Variants in MCC observed in about 807,000 individuals in gnomAD.
MCC encodes the protein colorectal mutant cancer protein.
A neutral mutation model predicts 116.2 loss-of-function variants in MCC; 90 were observed. That is an observed-to-expected ratio of 0.77 (90% CI 0.65 to 0.92). The LOEUF (loss-of-function observed/expected upper bound fraction) is 0.92. Ranked by LOEUF, MCC falls within the 40% of genes least tolerant of loss-of-function variation. The pLI is 0.00. For synonymous variants in MCC, 578 were observed against 510.5 expected, an observed-to-expected ratio of 1.13 and a Z score of -1.78; for missense variants, 1,516 against 1,312.2, an observed-to-expected ratio of 1.16 and a Z score of -2.40.
intron 1 of MCC, among the ~76,000 whole-genome samples, chr5:113,461,856 G>T (rs972290219): frequency 2.0e-5 from 3 of 151,838 alleles, no homozygotes; most frequent in African/African-American, 7.3e-5. Context: ...ACTGAGGGAG[G>T]CATGTAAGAA....
intron 5 of MCC, among the ~76,000 whole-genome samples, chr5:113,133,774 T>G (rs929096144): frequency 5.3e-5 from 8 of 152,334 alleles, no homozygotes; most frequent in African/African-American, 1.7e-4. Flanking sequence ...TTCTTACATA[T>G]CCTTGCCAGC....
chr5:113,251,046 A>G (rs989713309), intron 3 of MCC, among the ~76,000 whole-genome samples: 3 of 152,234 alleles, frequency 2.0e-5, no homozygotes, highest in African/African-American at 7.2e-5. Flanking sequence ...TTAAGGTCCT[A>G]TTTTAACAAT....
chr5:113,149,748 C>G (rs892529745), intron 4 of MCC, among the ~76,000 whole-genome samples: 1 of 152,024 alleles, frequency 6.6e-6, no homozygotes, highest in Non-Finnish European at 1.5e-5. Flanking sequence ...AGCACTTACA[C>G]AGTAAAGCCC....
intron 8 of MCC, among the ~76,000 whole-genome samples, chr5:113,096,399 C>T (rs1419999485): frequency 6.6e-6 from 1 of 152,202 alleles, no homozygotes; most frequent in African/African-American, 2.4e-5. Flanking sequence ...GGCACACATC[C>T]TCTCAAAGAG....
chr5:113,044,272 C>T (rs1053309607), intron 16 of MCC, among the ~76,000 whole-genome samples: 11 of 152,184 alleles, frequency 7.2e-5, no homozygotes, highest in Non-Finnish European at 1.2e-4. Context: ...GTGCAGCCCA[C>T]CCCATGGCTT....
At chr5:113,171,069 A>G (rs567036231) in intron 3 of MCC, among the ~76,000 whole-genome samples, 3 of 152,054 alleles carry the variant, frequency 2.0e-5, no homozygotes, top group Non-Finnish European at 2.9e-5. Context: ...TCACTCAGAT[A>G]TCTGCCCTCC....
chr5:113,035,261 C>G (rs1453266537), intron 17 of MCC, among the ~76,000 whole-genome samples: 1 of 152,164 alleles, frequency 6.6e-6, no homozygotes, highest in Admixed American at 6.6e-5. Context: ...CTCCTCCTCC[C>G]CTCATCCTTG....
chr5:113,450,642 C>T (rs1021260008), intron 1 of MCC, among the ~76,000 whole-genome samples: 4 of 152,184 alleles, frequency 2.6e-5, no homozygotes, highest in Non-Finnish European at 4.4e-5. Context: ...TCAGAATTTC[C>T]ACTTCCCTCT....
At chr5:113,322,475 A>C (rs1206725569) in intron 3 of MCC, among the ~76,000 whole-genome samples, 1 of 152,240 alleles carries the variant, frequency 6.6e-6, no homozygotes, top group African/African-American at 2.4e-5. Flanking sequence ...ATTATGAGAA[A>C]ACAAAAATTA....
intron 1 of MCC, among the ~76,000 whole-genome samples, chr5:113,457,001 G>T (rs1771571267): frequency 6.6e-6 from 1 of 152,212 alleles, no homozygotes; most frequent in South Asian, 2.1e-4. Flanking sequence ...CACAGCCCTG[G>T]CTCGCTCTCA....
At chr5:113,135,729 A>G (rs1758779333) in intron 5 of MCC, among the ~76,000 whole-genome samples, 1 of 151,906 alleles carries the variant, frequency 6.6e-6, no homozygotes, top group African/African-American at 2.4e-5. Flanking sequence ...AGTTTCACCA[A>G]TACCAACTCA....
intron 3 of MCC, among the ~76,000 whole-genome samples, chr5:113,221,421 C>T (rs767714429): frequency 9.9e-5 from 15 of 152,176 alleles, no homozygotes; most frequent in Admixed American, 7.9e-4. Flanking sequence ...AGCTTTGAAA[C>T]GAAGATGATA....
At chr5:113,196,709 C>T (rs557423299) in intron 3 of MCC, among the ~76,000 whole-genome samples, 3 of 152,182 alleles carry the variant, frequency 2.0e-5, no homozygotes, top group African/African-American at 2.4e-5. Flanking sequence ...ATTAGCCGAG[C>T]GTGGTGGCAC....
At chr5:113,099,648 C>T (rs2150253428) in intron 8 of MCC, among the ~76,000 whole-genome samples, 1 of 152,332 alleles carries the variant, frequency 6.6e-6, no homozygotes, top group South Asian at 2.1e-4. Flanking sequence ...GGTGACTTGG[C>T]AGGTCAGGCT....
At chr5:113,035,215 G>C (rs767383824) in intron 17 of MCC, among the ~76,000 whole-genome samples, 1 of 152,164 alleles carries the variant, frequency 6.6e-6, no homozygotes, top group Non-Finnish European at 1.5e-5. Context: ...CTGCCTTCTT[G>C]CAAAGGCAGT....
At position 113,101,905 on chromosome 5, in the gene MCC, T is replaced by C; in HGVS notation, c.1232A>G (p.Tyr411Cys). 1 of 1,613,362 alleles carries C rather than the reference T, an allele frequency of 6.2e-7. No homozygotes were observed. Among genetic ancestry groups the C allele is most frequent in the Non-Finnish European group, 8.5e-7 (1 of 1,179,886 alleles). The change falls in exon 8 of 19, where the codon TAT becomes TGT. Residue 411 changes from tyrosine to cysteine, a missense_variant. Tyr to Cys is a radical substitution (Grantham distance 194). Transcript: ENST00000408903. ...AGACCTCTCTTCAGCCAGGTTGGGA[T>C]ACAGGTCCCGGCCAAGCACCCCCTC... Reference protein sequence around the residue: ...EIEGVLGRDLYPNLAEERSRW... With the variant: ...EIEGVLGRDLCPNLAEERSRW...
At chr5:113,238,275 G>GTT (rs199649212) in intron 3 of MCC, among the ~76,000 whole-genome samples, 13 of 151,792 alleles carry the variant, frequency 8.6e-5, no homozygotes, top group African/African-American at 2.9e-4. Flanking sequence ...ATTTTTTCCT[G>GTT]TTTTTTTTAA....
chr5:113,070,470 G>C (rs1038574048), intron 12 of MCC, among the ~76,000 whole-genome samples: 2 of 151,504 alleles, frequency 1.3e-5, no homozygotes, highest in Non-Finnish European at 2.9e-5. Context: ...AAATTGACTT[G>C]TTTTCATGAC....
chr5:113,135,475 C>T (rs558480494), intron 5 of MCC, among the ~76,000 whole-genome samples: 3 of 145,554 alleles, frequency 2.1e-5, no homozygotes, highest in South Asian at 2.2e-4. Flanking sequence ...AGGAGAATGG[C>T]GTGAACCTGG....
Sources: allele counts gnomAD v4.1 joint callset (sites outside exome capture counted in the v4.1 genomes callset), GRCh38; gene constraint gnomAD v4.1.1; transcripts MANE v1.5; gene names NCBI Gene and HGNC (gene_info 2026-07-23, HGNC 2026-07-21).